The following FBF1 variants were observed in gnomAD, a reference collection of about 807,000 sequenced individuals.
The protein encoded by FBF1 is fas-binding factor 1.
FBF1 carries 119 observed loss-of-function variants against 147.2 expected under a neutral mutation model. The observed-to-expected ratio is 0.81, with a 90% CI of 0.70 to 0.94. The LOEUF (loss-of-function observed/expected upper bound fraction) is 0.94. Ranked by LOEUF, FBF1 falls within the 40% of genes least tolerant of loss-of-function variation. The pLI is 0.00. For missense variants in FBF1, 1,449 were observed against 1,500.8 expected, an observed-to-expected ratio of 0.97 and a Z score of 0.57; for synonymous variants, 601 against 609.0, an observed-to-expected ratio of 0.99 and a Z score of 0.19.
intron 29 of FBF1, among the ~76,000 whole-genome samples, chr17:75,911,907 C>T (rs2065458717): frequency 6.6e-6 from 1 of 152,202 alleles, no homozygotes; most frequent in Non-Finnish European, 1.5e-5. Context: ...CTGCTTCAAC[C>T]TCCCAAAGTG....
At chr17:75,933,137 G>T in intron 4 of FBF1, 49 bp from the exon 5 acceptor site, 1 of 1,431,000 alleles carries the variant, frequency 7.0e-7, no homozygotes, top group East Asian at 2.4e-5. Flanking sequence ...AAGGTACCTG[G>T]AGTCAAGATG....
At chr17:75,930,173 A>G (rs1394673554) in intron 6 of FBF1, 126 bp from the exon 7 acceptor site, 2 of 721,856 alleles carry the variant, frequency 2.8e-6, no homozygotes, top group East Asian at 5.4e-5. Flanking sequence ...AGCTTGGCCA[A>G]TGGAGCTTAC....
rs2065570271 is a variant in FBF1 at position 75,927,605 on chromosome 17, T to G, written c.398-73A>C. Reference sequence around the variant, plus strand: ...AAAGTCCTCCTCCCATATCATGGACTGGGGCCCCTGGGATGGGGTGCACTT... The same window carrying G: ...AAAGTCCTCCTCCCATATCATGGACGGGGGCCCCTGGGATGGGGTGCACTT... On this transcript the variant is annotated intron_variant, in intron 8 of 29. Coordinates refer to ENST00000636174, the MANE Select transcript of FBF1 (RefSeq NM_001319193.2). 2.9e-6 allele frequency: 4 copies of G among 1,368,960 alleles called. No homozygotes were observed. The African/African-American group carries it at 4.3e-5, about 15-fold the overall frequency. 84.8% of individuals were successfully genotyped at this position (1,368,960 alleles called of 1,614,324 possible).
At position 75,914,753 on chromosome 17, in the gene FBF1, C is replaced by T. The variant is rs1451504885; in HGVS notation, c.2808G>A (p.Leu936=). ...DTQREGTLIS[L]AKEQAELKIR... is the part of the protein sequence containing the mutation. ...CGGAGGCTCTGGGCCCTACCTTGGCCAGGCTGATGAGGGTGCCCTCCCGCT... is the reference window on the plus strand; with the variant it reads ...CGGAGGCTCTGGGCCCTACCTTGGCTAGGCTGATGAGGGTGCCCTCCCGCT... The change falls in exon 25 of 30, where the codon CTG becomes CTA. Residue 936 remains leucine, a synonymous_variant. Transcript: ENST00000636174. 2 of 1,569,410 alleles carry T rather than the reference C, an allele frequency of 1.3e-6. No individual in the cohort carries two copies. The highest frequency in any genetic ancestry group is 2.7e-5 in the African/African-American group (2 of 73,904).
chr17:75,931,164 C>T (rs2065592059), intron 6 of FBF1, 65 bp downstream of exon 6: 4 of 1,525,940 alleles, frequency 2.6e-6, no homozygotes, highest in Non-Finnish European at 3.6e-6. Flanking sequence ...AGCCCCTTGG[C>T]CACAACACCC....
At chr17:75,938,555 CAAAAAAAAAAA>C (rs34602242) in intron 1 of FBF1, among the ~76,000 whole-genome samples, 2 of 58,886 alleles carry the variant, frequency 3.4e-5, no homozygotes, top group Non-Finnish European at 6.4e-5. Flanking sequence ...GACTCCATCT[CAAAAAAAAAAA>C]AAAAAAAAAA....
At chr17:75,913,052 GA>G (rs1233480599) in intron 28 of FBF1, among the ~76,000 whole-genome samples, 1 of 135,430 alleles carries the variant, frequency 7.4e-6, no homozygotes, top group Non-Finnish European at 1.6e-5. Flanking sequence ...AAAAAGAAAA[GA>G]AAAAAAAAGT....
In FBF1 at chr17:75,930,020, G is replaced by T. The variant is rs1035778827; in HGVS notation, c.256C>A (p.Gln86Lys). ...ACCTTCATGGCCTGGAGCAGAGCCT[G>T]TGGGTCTGCCTCTGAGATACCTGAA... ...EVSGISEADP[Q>K]ALLQAMKDLD... Residue 86 changes from glutamine to lysine, a missense_variant, in exon 7 of 30, where the codon CAG becomes AAG. Coordinates refer to ENST00000636174, the MANE Select transcript of FBF1 (RefSeq NM_001319193.2). The T allele has an allele frequency of 6.7e-7, 1 of 1,494,030 alleles. No individual in the cohort carries two copies. 92.5% of individuals were successfully genotyped at this position (1,494,030 alleles called of 1,614,324 possible).
intron 7 of FBF1, 134 bp downstream of exon 7, chr17:75,929,863 C>T (rs1271649926): frequency 8.8e-6 from 7 of 792,216 alleles, no homozygotes; most frequent in Non-Finnish European, 2.1e-6. Flanking sequence ...GAGTTCCATG[C>T]TTGCACGAGG....
chr17:75,914,678 C>T (rs2065476827), intron 25 of FBF1, 69 bp downstream of exon 25: 2 of 1,423,592 alleles, frequency 1.4e-6, no homozygotes, highest in Non-Finnish European at 1.9e-6. Context: ...AGACTGGAAG[C>T]GGATGTGTCC....
At chr17:75,933,555 GA>G (rs1203664590) in intron 4 of FBF1, among the ~76,000 whole-genome samples, 17 of 152,194 alleles carry the variant, frequency 1.1e-4, no homozygotes, top group Admixed American at 7.2e-4. Flanking sequence ...TGGGTGACAG[GA>G]GCTTTGTGGG....
Position 75,910,564 on chromosome 17 carries a change from T to G in FBF1, c.*159A>C. On this transcript the variant is annotated 3_prime_UTR_variant, in exon 30 of 30. Coordinates refer to ENST00000636174, the MANE Select transcript of FBF1 (RefSeq NM_001319193.2). The surrounding 1 kb of genome is among the most constrained non-coding windows in gnomAD (Gnocchi z 4.1). Reference sequence around the variant, plus strand: ...GCAGGGGCTGCCCCGGGCTGGCACATTTGGAAAGGATGCACTTGCACCCTG... The same window carrying G: ...GCAGGGGCTGCCCCGGGCTGGCACAGTTGGAAAGGATGCACTTGCACCCTG... 1.6e-6 allele frequency: 1 copy of G among 642,516 alleles called. No homozygotes were observed. Among genetic ancestry groups the G allele is most frequent in the Non-Finnish European group, 2.7e-6 (1 of 373,858 alleles). The allele number at this position is 642,516 out of a possible 1,614,324, so 39.8% of individuals were successfully genotyped here. A position where few individuals can be genotyped will look rare whatever the true frequency, so the allele number is the denominator to read the frequency against.
chr17:75,939,022 G>A (rs192968062), intron 1 of FBF1, among the ~76,000 whole-genome samples: 16 of 152,142 alleles, frequency 1.1e-4, no homozygotes, highest in Admixed American at 3.3e-4. Flanking sequence ...CAGGCTGGGC[G>A]CGGTGGCTCA....
rs909144660 is a variant in FBF1 at position 75,913,356 on chromosome 17, C to T, written c.3247+346G>A. 1.0e-3 allele frequency: 191 copies of T among 185,980 alleles called. 1 individual carries two copies. Among genetic ancestry groups the T allele is most frequent in the East Asian group, 4.0e-4 (3 of 7,460 alleles). The allele number at this position is 185,980 out of a possible 1,614,324, so 11.5% of individuals were successfully genotyped here. Reference sequence around the variant, plus strand: ...AGAGACGGGGTTTCATTATGTTGGCCAGGCTGGTCTTGAACTCCTGACCTC... The same window carrying T: ...AGAGACGGGGTTTCATTATGTTGGCTAGGCTGGTCTTGAACTCCTGACCTC... On this transcript the variant is annotated intron_variant, in intron 28 of 29. Coordinates refer to ENST00000636174, the MANE Select transcript of FBF1 (RefSeq NM_001319193.2).
rs549757804 is a variant in FBF1, at chr17:75,937,082, G to A, written c.31+484C>T. Among the ~76,000 whole-genome samples, 20 of 152,122 alleles carry A rather than the reference G, an allele frequency of 1.3e-4. No homozygotes were observed. The East Asian group carries it at 3.3e-3, about 25-fold the overall frequency. On this transcript the variant is annotated intron_variant, in intron 3 of 29. Coordinates refer to ENST00000636174, the MANE Select transcript of FBF1 (RefSeq NM_001319193.2). The stretch of plus-strand genomic sequence containing the variant: ...TTCCAAAACCTCATATCTTATTTAC[G>A]TCTGAACTTCTCTGAGGACCAGTGA...
intron 23 of FBF1, 89 bp downstream of exon 23, chr17:75,917,643 G>C: frequency 2.5e-6 from 3 of 1,208,636 alleles, no homozygotes; most frequent in Non-Finnish European, 3.5e-6. Context: ...GAGGAAGTGA[G>C]GTCACGGGAG....
chr17:75,912,399 A>G, intron 28 of FBF1, 92 bp from the exon 29 acceptor site: 1 of 942,668 alleles, frequency 1.1e-6, no homozygotes, highest in Non-Finnish European at 1.6e-6. Flanking sequence ...TCCCCCCGCC[A>G]GTGGGTGGAC....
intron 6 of FBF1, among the ~76,000 whole-genome samples, chr17:75,930,297 G>T (rs1214591702): frequency 6.6e-6 from 1 of 152,142 alleles, no homozygotes; most frequent in Admixed American, 6.6e-5. Flanking sequence ...CAACCATAGA[G>T]AACTCTTCCA....
Position 75,918,711 on chromosome 17 carries a change from C to T in FBF1, c.2139-442G>A, listed in dbSNP as rs770848864. Among the ~76,000 whole-genome samples, 3 of 151,592 alleles carry T rather than the reference C, an allele frequency of 2.0e-5. No individual in the cohort carries two copies. Among genetic ancestry groups the T allele is most frequent in the Non-Finnish European group, 2.9e-5 (2 of 67,904 alleles). On this transcript the variant is annotated intron_variant, in intron 20 of 29. Transcript: ENST00000636174. The surrounding 1 kb of genome is among the most constrained non-coding windows in gnomAD (Gnocchi z 5.8). Reference sequence around the variant, plus strand: ...TCCACCGTGTTGCCCAGGCTGGTCTCGAACTTCTGAGCTCAGGCAATCTAC... The same window carrying T: ...TCCACCGTGTTGCCCAGGCTGGTCTTGAACTTCTGAGCTCAGGCAATCTAC...
Sources: allele counts gnomAD v4.1 joint callset (sites outside exome capture counted in the v4.1 genomes callset), GRCh38; gene constraint gnomAD v4.1.1; non-coding constraint Gnocchi (gnomAD v3.1); transcripts MANE v1.5; gene names NCBI Gene and HGNC (gene_info 2026-07-23, HGNC 2026-07-21).